The following DDX10 variants were observed in gnomAD, a reference collection of about 807,000 sequenced individuals.
The protein encoded by DDX10 is DEAD-box helicase 10, also known as probable ATP-dependent RNA helicase DDX10.
Under a neutral mutation model 104.3 loss-of-function variants are expected in DDX10, and 74 were observed. That is an observed-to-expected ratio of 0.71 (90% CI 0.59 to 0.86). DDX10 has a LOEUF of 0.86. Among genes scored for constraint, DDX10 ranks in the 40% least tolerant of loss-of-function variants. The pLI, the probability that DDX10 is intolerant of heterozygous loss-of-function variation, is 0.00. For missense variants in DDX10, 952 were observed against 1,040.0 expected (o/e 0.92, Z 1.16); for synonymous variants, 351 against 353.4 (o/e 0.99, Z 0.08).
chr11:108,888,576 A>G (rs899134613), intron 16 of DDX10, among the ~76,000 whole-genome samples: 4 of 151,864 alleles, frequency 2.6e-5, no homozygotes, highest in African/African-American at 9.7e-5. Flanking sequence ...GCGCACACAG[A>G]CTCCTGAAAG....
At chr11:108,901,214 A>T (rs980418169) in intron 16 of DDX10, among the ~76,000 whole-genome samples, 1 of 152,212 alleles carries the variant, frequency 6.6e-6, no homozygotes, top group Non-Finnish European at 1.5e-5. Context: ...AGCATGGAAC[A>T]TATTTGGTTT....
At chr11:108,745,053 C>G (rs2094329715) in intron 13 of DDX10, among the ~76,000 whole-genome samples, 1 of 114,850 alleles carries the variant, frequency 8.7e-6, no homozygotes. Flanking sequence ...CCCCTTCCCC[C>G]TTCCCCCTTC....
intron 17 of DDX10, among the ~76,000 whole-genome samples, chr11:108,923,944 C>T (rs1421931025): frequency 6.6e-6 from 1 of 152,080 alleles, no homozygotes; most frequent in Non-Finnish European, 1.5e-5. Context: ...CGTTTAAACT[C>T]TTCTTTCAAT....
At chr11:108,838,153 G>T (rs1180828007) in intron 13 of DDX10, among the ~76,000 whole-genome samples, 1 of 151,008 alleles carries the variant, frequency 6.6e-6, no homozygotes, top group Non-Finnish European at 1.5e-5. Flanking sequence ...ATTATATTAT[G>T]TAATTTTTAG....
intron 9 of DDX10, among the ~76,000 whole-genome samples, chr11:108,702,161 GAT>G (rs2094269249): frequency 6.6e-6 from 1 of 152,076 alleles, no homozygotes; most frequent in African/African-American, 2.4e-5. Context: ...TGAAACAAAA[GAT>G]ATAGGTCTTA....
intron 9 of DDX10, among the ~76,000 whole-genome samples, chr11:108,705,775 T>C (rs926198591): frequency 2.6e-5 from 4 of 152,210 alleles, no homozygotes; most frequent in Admixed American, 2.6e-4. Context: ...TCTGTTTTAC[T>C]GCTTGTATGT....
intron 16 of DDX10, among the ~76,000 whole-genome samples, chr11:108,892,297 T>C (rs1293869678): frequency 6.6e-6 from 1 of 152,124 alleles, no homozygotes; most frequent in East Asian, 1.9e-4. Flanking sequence ...TCTGGCCTCC[T>C]CTCTTACCAT....
chr11:108,857,697 G>A (rs927120537), intron 16 of DDX10, among the ~76,000 whole-genome samples: 3 of 152,184 alleles, frequency 2.0e-5, no homozygotes, highest in South Asian at 2.1e-4. Flanking sequence ...GGAAGTTGAA[G>A]TAACTTTCCC....
intron 13 of DDX10, among the ~76,000 whole-genome samples, chr11:108,761,251 G>A (rs1346393767): frequency 1.3e-5 from 2 of 152,044 alleles, no homozygotes; most frequent in African/African-American, 2.4e-5. Flanking sequence ...ATTACTCAAA[G>A]CAGGGAAGTT....
intron 16 of DDX10, among the ~76,000 whole-genome samples, chr11:108,914,208 A>G (rs894433276): frequency 7.2e-5 from 11 of 152,228 alleles, no homozygotes; most frequent in African/African-American, 2.7e-4. Flanking sequence ...CTTTCAAATT[A>G]TTCTCTTATT....
intron 17 of DDX10, among the ~76,000 whole-genome samples, chr11:108,922,739 A>G (rs1863851504): frequency 1.3e-5 from 2 of 152,268 alleles, no homozygotes; most frequent in Admixed American, 1.3e-4. Context: ...CAGTTTAGTT[A>G]GCATGACTAA....
At chr11:108,698,847 C>T (rs551930773) in intron 9 of DDX10, among the ~76,000 whole-genome samples, 9 of 152,340 alleles carry the variant, frequency 5.9e-5, no homozygotes, top group Non-Finnish European at 8.8e-5. Flanking sequence ...CTCTATGCTC[C>T]GTACTGGTCT....
Position 108,919,397 on chromosome 11 carries a change from C to T in DDX10, c.2450+1379C>T, listed in dbSNP as rs147283613. On this transcript the variant is annotated intron_variant, in intron 17 of 17. Transcript: ENST00000322536. ...CATATTCCTAATCTTTAAAAATTGA[C>T]CTCTAAGAGTAAATATACATGCTCT... is the stretch of plus-strand genomic sequence containing the variant. The T allele has an allele frequency of 1.9e-4, 29 of 152,294 alleles. No homozygotes were observed. The East Asian group carries it at 5.4e-3, about 28-fold the overall frequency. The allele number at this position is 152,294 out of a possible 1,614,324, so 9.4% of individuals were successfully genotyped here.
intron 5 of DDX10, among the ~76,000 whole-genome samples, chr11:108,678,924 T>C (rs2094230381): frequency 7.3e-6 from 1 of 136,696 alleles, no homozygotes; most frequent in East Asian, 2.3e-4. Flanking sequence ...GTTGCTAGGC[T>C]GGAGTACGGT....
rs556870688 is a variant in DDX10 at position 108,711,479 on chromosome 11, C to T, written c.1323-4400C>T. ...TCCTGAGTAGCTGGGATTACAGACA[C>T]GTGCCGCCATGCCTGGCTAATTTTT... is the stretch of plus-strand genomic sequence containing the variant. On this transcript the variant is annotated intron_variant, in intron 10 of 17. Transcript: ENST00000322536. 1.5e-4 allele frequency among the ~76,000 whole-genome samples: 23 copies of T among 152,248 alleles called. No individual in the cohort carries two copies. In the South Asian group the frequency reaches 2.1e-3, roughly 14 times the overall value.
chr11:108,912,416 C>G (rs1470859610), intron 16 of DDX10, among the ~76,000 whole-genome samples: 1 of 151,886 alleles, frequency 6.6e-6, no homozygotes, highest in African/African-American at 2.4e-5. Flanking sequence ...ACCTTCATCT[C>G]CACTGCCACT....
intron 13 of DDX10, among the ~76,000 whole-genome samples, chr11:108,738,057 C>T (rs1212622409): frequency 6.6e-6 from 1 of 151,940 alleles, no homozygotes. Context: ...ACACTTAGCA[C>T]GACCTTGCTA....
intron 16 of DDX10, among the ~76,000 whole-genome samples, chr11:108,895,807 G>C (rs1417277098): frequency 6.6e-6 from 1 of 152,050 alleles, no homozygotes; most frequent in East Asian, 1.9e-4. Flanking sequence ...TGTTCCAATT[G>C]TCCTGCTTTC....
chr11:108,702,352 A>G (rs1023471087), intron 9 of DDX10, among the ~76,000 whole-genome samples: 1 of 152,102 alleles, frequency 6.6e-6, no homozygotes, highest in African/African-American at 2.4e-5. Flanking sequence ...CAAAAATGGG[A>G]TTGTTCTAAA....
Sources: gnomAD v4.1 joint callset for allele counts (sites outside exome capture counted in the v4.1 genomes callset) on GRCh38, gnomAD v4.1.1 for gene constraint, MANE v1.5 for transcripts, NCBI Gene and HGNC (gene_info 2026-07-23, HGNC 2026-07-21) for gene names.